IL3RA: variants seen among roughly 807,000 people sequenced by gnomAD.
The protein encoded by IL3RA is interleukin-3 receptor subunit alpha.
Under a neutral mutation model 52.3 loss-of-function variants are expected in IL3RA, and 73 were observed. The ratio of observed to expected loss-of-function variants is 1.40; its 90% confidence interval spans 1.16 to 1.70. The LOEUF (loss-of-function observed/expected upper bound fraction) is 1.70. Among genes scored for constraint, IL3RA ranks in the 40% most tolerant of loss-of-function variants. The pLI, the probability that IL3RA is intolerant of heterozygous loss-of-function variation, is 0.00. For missense variants in IL3RA, 664 were observed against 504.4 expected, an observed-to-expected ratio of 1.32 and a Z score of -3.03; for synonymous variants, 260 against 194.0, an observed-to-expected ratio of 1.34 and a Z score of -2.83.
chrX:1,343,944 C>G, intron 2 of IL3RA, among the ~76,000 whole-genome samples: 1 of 151,606 alleles, frequency 6.6e-6, no homozygotes, highest in Non-Finnish European at 1.5e-5. Flanking sequence ...TACAGGCGCC[C>G]GCCACCACGC....
intron 8 of IL3RA, among the ~76,000 whole-genome samples, chrX:1,363,998 T>C (rs756656912): frequency 0.011 from 1,603 of 147,924 alleles, 30 homozygotes; most frequent in African/African-American, 0.037. Flanking sequence ...CTGGCTAACA[T>C]GGTGAAACCC....
intron 1 of IL3RA, 96 bp downstream of exon 1, chrX:1,337,022 G>C (rs1236802466): frequency 6.6e-6 from 1 of 152,206 alleles, no homozygotes; most frequent in Admixed American, 6.6e-5. Context: ...GCAGACACGG[G>C]GCATTGGCAT....
intron 3 of IL3RA, 135 bp from the exon 4 acceptor site, chrX:1,348,296 T>A (rs2085864142): frequency 1.4e-6 from 1 of 709,152 alleles, no homozygotes; most frequent in African/African-American, 1.7e-5. Context: ...GAGGCTGCAG[T>A]GAGCCGAGAT....
rs778158578 is a variant in IL3RA, at chrX:1,365,175, G to C, written c.797G>C (p.Gly266Ala). Residue 266 changes from glycine to alanine, a missense_variant, in exon 9 of 12, where the codon GGA becomes GCA. Transcript: ENST00000331035. Reference protein sequence around the residue: ...DRTSFQLLNPGTYTVQIRARE... With the variant: ...DRTSFQLLNPATYTVQIRARE... Reference sequence around the variant, plus strand: ...ACCTCCTTCCAGCTACTCAATCCTGGAACGTACACAGTACAAATAAGAGCC... The same window carrying C: ...ACCTCCTTCCAGCTACTCAATCCTGCAACGTACACAGTACAAATAAGAGCC... 2.5e-6 allele frequency: 4 copies of C among 1,611,206 alleles called. No homozygotes were observed. The highest frequency in any genetic ancestry group is 3.4e-6 in the Non-Finnish European group (4 of 1,178,848).
rs1428479382 is a variant in IL3RA at position 1,345,040 on chromosome X, G to A, written c.65-276G>A. ...AAAAATTAGCCGGGCGTGGTGGCGG[G>A]CGCCTGTAGTCCCAGCTACTCGGGA... On this transcript the variant is annotated intron_variant, in intron 2 of 11. Coordinates refer to ENST00000331035, the MANE Select transcript of IL3RA (RefSeq NM_002183.4). 4.1e-4 allele frequency among the ~76,000 whole-genome samples: 62 copies of A among 150,642 alleles called. 1 individual carries two copies. Among genetic ancestry groups the A allele is most frequent in the Admixed American group, 2.6e-3 (39 of 15,072 alleles).
intron 8 of IL3RA, among the ~76,000 whole-genome samples, chrX:1,360,854 CCTGTCTCT>C (rs1271320574): frequency 5.2e-5 from 7 of 134,440 alleles, no homozygotes; most frequent in Non-Finnish European, 6.4e-5. Context: ...TAGCTCTCTC[CCTGTCTCT>C]CTCTCCCTTC....
chrX:1,353,395 A>AC (rs1556622831), intron 6 of IL3RA, among the ~76,000 whole-genome samples: 2 of 118,986 alleles, frequency 1.7e-5, no homozygotes, highest in African/African-American at 3.4e-5. Context: ...GGGTCATAGG[A>AC]CCCCCATCAT....
At chrX:1,349,931 C>T (rs1273562419) in intron 4 of IL3RA, among the ~76,000 whole-genome samples, 7 of 151,750 alleles carry the variant, frequency 4.6e-5, no homozygotes, top group African/African-American at 1.5e-4. Flanking sequence ...GGATGACAGG[C>T]GGGAGCCACT....
At chrX:1,359,586 A>C (rs1162680365) in intron 8 of IL3RA, among the ~76,000 whole-genome samples, 116 of 111,362 alleles carry the variant, frequency 1.0e-3, no homozygotes, top group Middle Eastern at 7.9e-3. Context: ...CCCTGTCCCC[A>C]TCTCTCTCTG....
chrX:1,358,737 G>C, intron 7 of IL3RA, 124 bp from the exon 8 acceptor site: 3 of 915,164 alleles, frequency 3.3e-6, no homozygotes, highest in Non-Finnish European at 5.2e-6. Context: ...ACTGCTGCCC[G>C]AAGGCCTTCC....
intron 1 of IL3RA, among the ~76,000 whole-genome samples, chrX:1,339,121 T>A (rs1409286476): frequency 6.6e-6 from 1 of 151,926 alleles, no homozygotes; most frequent in Non-Finnish European, 1.5e-5. Context: ...ATTATAGGCG[T>A]GAGCCACCGC....
At chrX:1,362,483 C>T (rs1336963933) in intron 8 of IL3RA, among the ~76,000 whole-genome samples, 6 of 150,062 alleles carry the variant, frequency 4.0e-5, no homozygotes, top group Admixed American at 6.6e-5. Flanking sequence ...TCTCTCTGTC[C>T]ATCACCCACT....
chrX:1,363,358 T>C lies in IL3RA; in HGVS notation c.760-1780T>C, dbSNP rs1267788325. ...CTCTGTCACCCAGGCTGGAGTGCAG[T>C]GGCGCAATCTCGGCTCACTGCAAGC... On this transcript the variant is annotated intron_variant, in intron 8 of 11. Transcript: ENST00000331035. Among the ~76,000 whole-genome samples, 147 of 149,854 alleles carry C rather than the reference T, an allele frequency of 9.8e-4. 2 individuals are homozygous for C. The highest frequency in any genetic ancestry group is 3.4e-3 in the African/African-American group (139 of 40,710).
At chrX:1,363,294 CTT>C in intron 8 of IL3RA, among the ~76,000 whole-genome samples, 1 of 145,584 alleles carries the variant, frequency 6.9e-6, no homozygotes, top group Non-Finnish European at 1.5e-5. Flanking sequence ...TATGAATGGT[CTT>C]TTCTTCTTTT....
In IL3RA at chrX:1,380,007, G is replaced by A. The variant is rs192265259; in HGVS notation, c.981-1016G>A. Among the ~76,000 whole-genome samples the A allele has an allele frequency of 4.1e-4, 63 of 152,162 alleles. 1 individual carries two copies. The highest frequency in any genetic ancestry group is 1.4e-3 in the African/African-American group (57 of 41,536). ...ACTCCTGACCTCATGTGATCCACCC[G>A]CCTCGGCCTCCCAAAGTGCTGGGAT... On this transcript the variant is annotated intron_variant, in intron 10 of 11. Coordinates refer to ENST00000331035, the MANE Select transcript of IL3RA (RefSeq NM_002183.4).
At position 1,358,862 on chromosome X, in the gene IL3RA, GAATGCAGCCTGT is replaced by G. The variant is rs1472411627; in HGVS notation, c.738_749del (p.Met246_Val249del). 2.5e-6 allele frequency: 4 copies of G among 1,613,232 alleles called. No individual in the cohort carries two copies. Among genetic ancestry groups the G allele is most frequent in the South Asian group, 1.1e-5 (1 of 91,028 alleles). On this transcript the variant is annotated inframe_deletion and splice_region_variant, in exon 8 of 12. Transcript: ENST00000331035. Reference sequence around the variant, plus strand: ...AGTTTGCTTGCTTTTGTGTTGCAGAGAATGCAGCCTGTAATCACAGAACAGGTGAGTGTTCCC... The same window carrying G: ...AGTTTGCTTGCTTTTGTGTTGCAGAGAATCACAGAACAGGTGAGTGTTCCC...
In IL3RA at chrX:1,352,041, A is replaced by C. The variant is rs2086109604; in HGVS notation, c.299-59A>C. The C allele has an allele frequency of 2.5e-6, 4 of 1,585,156 alleles. No homozygotes were observed. The African/African-American group carries it at 4.0e-5, about 16-fold the overall frequency. ...CGGCCTCCCAAAATGCTGGGGTGAC[A>C]GGCGTGAGCCACCGCGCCCGGTCCC... On this transcript the variant is annotated intron_variant, in intron 4 of 11. Coordinates refer to ENST00000331035, the MANE Select transcript of IL3RA (RefSeq NM_002183.4).
At position 1,358,382 on chromosome X, in the gene IL3RA, A is replaced by C. The variant is rs17881328; in HGVS notation, c.733-479A>C. On this transcript the variant is annotated intron_variant, in intron 7 of 11. Coordinates refer to ENST00000331035, the MANE Select transcript of IL3RA (RefSeq NM_002183.4). Reference sequence around the variant, plus strand: ...TGGCCCATAAGAAACCTTTTGGGCCAGGCGCGATGGGGCATGCCTGTAATC... The same window carrying C: ...TGGCCCATAAGAAACCTTTTGGGCCCGGCGCGATGGGGCATGCCTGTAATC... Among the ~76,000 whole-genome samples, 463 of 151,458 alleles carry C rather than the reference A, an allele frequency of 3.1e-3. 16 individuals are homozygous for C. The South Asian group carries it at 0.067, about 22-fold the overall frequency.
chrX:1,363,273 T>C (rs2087608272), intron 8 of IL3RA, among the ~76,000 whole-genome samples: 1 of 150,838 alleles, frequency 6.6e-6, no homozygotes. Context: ...CATTCTTTTG[T>C]ACCCATCAAA....
Sources: gnomAD v4.1 joint callset for allele counts (sites outside exome capture counted in the v4.1 genomes callset) on GRCh38, gnomAD v4.1.1 for gene constraint, MANE v1.5 for transcripts, NCBI Gene and HGNC (gene_info 2026-07-23, HGNC 2026-07-21) for gene names.